Variants in SYT14 observed in about 807,000 individuals in gnomAD.
SYT14 encodes the protein synaptotagmin 14, also known as synaptotagmin-14.
A neutral mutation model predicts 74.2 loss-of-function variants in SYT14; 32 were observed. The ratio of observed to expected loss-of-function variants is 0.43; its 90% confidence interval spans 0.33 to 0.58. SYT14 has a LOEUF of 0.58. Ranked by LOEUF, SYT14 falls within the 20% of genes least tolerant of loss-of-function variation. SYT14 has a pLI of 0.05. For missense variants in SYT14, 791 were observed against 981.8 expected, an observed-to-expected ratio of 0.81 and a Z score of 2.60; for synonymous variants, 298 against 337.7, an observed-to-expected ratio of 0.88 and a Z score of 1.29.
chr1:210,126,656 G>A (rs576557598), intron 7 of SYT14, among the ~76,000 whole-genome samples: 22 of 152,270 alleles, frequency 1.4e-4, no homozygotes, highest in East Asian at 5.8e-4. Flanking sequence ...AAAATACAAC[G>A]TAAAGTAGAT....
intron 5 of SYT14, among the ~76,000 whole-genome samples, chr1:210,032,679 A>T (rs546668359): frequency 2.0e-5 from 3 of 151,186 alleles, no homozygotes; most frequent in Admixed American, 6.6e-5. Context: ...CATCATTGAG[A>T]AGTAGAGTGT....
chr1:210,170,243 GTAT>G (rs1464083217), exon 10 of SYT14: 1 of 152,102 alleles, frequency 6.6e-6, no homozygotes, highest in African/African-American at 2.4e-5. Flanking sequence ...CAACAGTGTT[GTAT>G]TATTGTCACA....
At chr1:210,151,797 T>A (rs1272498101) in intron 7 of SYT14, among the ~76,000 whole-genome samples, 1 of 152,218 alleles carries the variant, frequency 6.6e-6, no homozygotes, top group Non-Finnish European at 1.5e-5. Context: ...TCTTGCTTTT[T>A]GTTTGGATTT....
chr1:210,150,767 G>A (rs1428424641), intron 7 of SYT14, among the ~76,000 whole-genome samples: 2 of 152,148 alleles, frequency 1.3e-5, no homozygotes, highest in Admixed American at 6.5e-5. Context: ...AATTATCATT[G>A]TACAGTTCAG....
intron 5 of SYT14, among the ~76,000 whole-genome samples, chr1:210,073,953 A>G (rs1286960212): frequency 6.6e-6 from 1 of 152,144 alleles, no homozygotes; most frequent in African/African-American, 2.4e-5. Flanking sequence ...TATTATTTCA[A>G]GTTGTTGATT....
intron 7 of SYT14, among the ~76,000 whole-genome samples, chr1:210,136,332 C>T (rs936966429): frequency 1.3e-5 from 2 of 151,770 alleles, no homozygotes; most frequent in Non-Finnish European, 2.9e-5. Flanking sequence ...AGAAAGGGAA[C>T]GGGGTCAGTG....
chr1:210,089,124 G>A (rs1018345200), intron 5 of SYT14, among the ~76,000 whole-genome samples: 4 of 152,100 alleles, frequency 2.6e-5, no homozygotes, highest in African/African-American at 9.7e-5. Flanking sequence ...GTGAGAACAT[G>A]TGGTGTTTGG....
chr1:210,161,912 T>G (rs1486699961), exon 10 of SYT14: 4 of 452,368 alleles, frequency 8.8e-6, no homozygotes, highest in Non-Finnish European at 1.8e-5. Context: ...TGCAGTAGTG[T>G]GAAAATACAT....
chr1:210,128,208 A>G (rs2082606825), intron 7 of SYT14, among the ~76,000 whole-genome samples: 1 of 152,018 alleles, frequency 6.6e-6, no homozygotes, highest in African/African-American at 2.4e-5. Flanking sequence ...CCCAGTCTCT[A>G]CAAAAAATGT....
At position 210,169,221 on chromosome 1, in the gene SYT14, G is replaced by GTTTTGTTTTTTTTTTTTT. The variant is rs2083492384; in HGVS notation, c.*8183_*8184insGTTTTTTTTTTTTTTTTT. On this transcript the variant is annotated 3_prime_UTR_variant, in exon 10 of 10. Coordinates refer to ENST00000637265, the Ensembl canonical transcript of SYT14. The stretch of plus-strand genomic sequence containing the variant: ...CTTTTTTGGTTTTTATGTTTTTGGT[G>GTTTTGTTTTTTTTTTTTT]TTTTTTTTTTTTTTTTTTTTTTTTT... The GTTTTGTTTTTTTTTTTTT allele has an allele frequency of 1.4e-4, 7 of 50,250 alleles. 1 individual carries two copies. Among genetic ancestry groups the GTTTTGTTTTTTTTTTTTT allele is most frequent in the African/African-American group, 5.4e-4 (7 of 12,860 alleles). The allele number at this position is 50,250 out of a possible 1,614,324, so 3.1% of individuals were successfully genotyped here.
At chr1:210,020,711 T>C (rs995836748) in intron 4 of SYT14, among the ~76,000 whole-genome samples, 17 of 152,228 alleles carry the variant, frequency 1.1e-4, no homozygotes, top group African/African-American at 3.9e-4. Context: ...TTACTTTATA[T>C]GTAACATGGT....
At chr1:210,023,985 AT>A (rs1202006900) in intron 5 of SYT14, among the ~76,000 whole-genome samples, 1 of 152,132 alleles carries the variant, frequency 6.6e-6, no homozygotes, top group African/African-American at 2.4e-5. Context: ...ATCTGTATAC[AT>A]TAATCAAGGT....
chr1:210,109,446 C>T (rs773074711), intron 7 of SYT14, among the ~76,000 whole-genome samples: 28 of 151,900 alleles, frequency 1.8e-4, no homozygotes, highest in African/African-American at 5.6e-4. Context: ...GGCATGGTTG[C>T]GCGCACCTGT....
chr1:210,077,060 T>TA (rs1242887639), intron 5 of SYT14, among the ~76,000 whole-genome samples: 1 of 152,184 alleles, frequency 6.6e-6, no homozygotes, highest in Non-Finnish European at 1.5e-5. Flanking sequence ...CATAAGGAAA[T>TA]ACCTGAGACT....
chr1:210,091,103 T>G (rs1313279948), intron 5 of SYT14, among the ~76,000 whole-genome samples: 4 of 152,176 alleles, frequency 2.6e-5, no homozygotes, highest in Non-Finnish European at 5.9e-5. Context: ...TGAGCCCACT[T>G]AACATCTTTA....
chr1:210,166,894 AATGTT>A (rs1572406105), exon 10 of SYT14: 1 of 152,208 alleles, frequency 6.6e-6, no homozygotes, highest in African/African-American at 2.4e-5. Context: ...GACTAGGATT[AATGTT>A]ATTCATCTTT....
intron 2 of SYT14, among the ~76,000 whole-genome samples, chr1:210,004,569 T>C (rs1466594157): frequency 2.6e-5 from 4 of 152,032 alleles, no homozygotes; most frequent in African/African-American, 9.7e-5. Flanking sequence ...TTAATGTTGA[T>C]TTGGTGGCTG....
intron 5 of SYT14, among the ~76,000 whole-genome samples, chr1:210,069,713 A>G (rs1170838415): frequency 6.6e-6 from 1 of 151,974 alleles, no homozygotes; most frequent in Non-Finnish European, 1.5e-5. Flanking sequence ...CTATGTATTT[A>G]TCGCAGTACT....
chr1:210,053,165 ATATTG>A (rs751685686), intron 5 of SYT14, among the ~76,000 whole-genome samples: 33 of 152,326 alleles, frequency 2.2e-4, no homozygotes, highest in Admixed American at 4.6e-4. Flanking sequence ...AGGTAGAATT[ATATTG>A]TAGTAGAATC....
Sources: allele counts gnomAD v4.1 joint callset (sites outside exome capture counted in the v4.1 genomes callset), GRCh38; gene constraint gnomAD v4.1.1; transcripts MANE v1.5; gene names NCBI Gene and HGNC (gene_info 2026-07-23, HGNC 2026-07-21).